The following ANK3 variants were observed in gnomAD, a reference collection of about 807,000 sequenced individuals.
ANK3 encodes ankyrin 3.
ANK3 carries 57 observed loss-of-function variants against 370.9 expected under a neutral mutation model. That is an observed-to-expected ratio of 0.15 (90% CI 0.12 to 0.19). The LOEUF (loss-of-function observed/expected upper bound fraction) is 0.19, where lower values mean the gene tolerates loss of function less well. ANK3 is among the 10% of genes least tolerant of loss of function. The probability of loss-of-function intolerance (pLI) is 1.00; values close to 1 mark genes in which losing one functional copy is unlikely to be tolerated. For synonymous variants in ANK3, 1,929 were observed against 1,946.3 expected (o/e 0.99, Z 0.23); for missense variants, 4,439 against 5,302.1 (o/e 0.84, Z 5.06).
intron 1 of ANK3, among the ~76,000 whole-genome samples, chr10:60,723,754 T>C (rs1045628735): frequency 9.9e-5 from 15 of 152,074 alleles, no homozygotes; most frequent in African/African-American, 3.4e-4. Flanking sequence ...TAAAACATAA[T>C]TATAGCCATT....
intron 8 of ANK3, among the ~76,000 whole-genome samples, chr10:60,232,185 A>G (rs1445278374): frequency 6.6e-6 from 1 of 152,184 alleles, no homozygotes; most frequent in Non-Finnish European, 1.5e-5. Flanking sequence ...ATGAAAAATG[A>G]CTGACAAATC....
At chr10:60,355,512 T>A (rs1431573454) in intron 1 of ANK3, among the ~76,000 whole-genome samples, 3 of 152,174 alleles carry the variant, frequency 2.0e-5, no homozygotes, top group Non-Finnish European at 4.4e-5. Flanking sequence ...AGTTCTTCCA[T>A]ATGGCTTTAT....
chr10:60,491,380 C>T (rs967519181), intron 2 of ANK3, among the ~76,000 whole-genome samples: 2 of 152,138 alleles, frequency 1.3e-5, no homozygotes, highest in African/African-American at 4.8e-5. Context: ...GAACCTCTTT[C>T]TTAAATGAAC....
upstream of ANK3, among the ~76,000 whole-genome samples, chr10:60,393,593 T>C (rs953505194): frequency 5.9e-5 from 9 of 152,178 alleles, no homozygotes; most frequent in African/African-American, 2.2e-4. Context: ...ATCAGTTCAT[T>C]AGGATGCCTT....
intron 7 of ANK3, among the ~76,000 whole-genome samples, chr10:60,246,323 T>TC (rs2097555400): frequency 6.6e-6 from 1 of 151,430 alleles, no homozygotes; most frequent in South Asian, 2.1e-4. Flanking sequence ...AGTTTTTTTT[T>TC]TTCCTCTTTC....
At chr10:60,532,431 T>C (rs1218346039) in intron 2 of ANK3, among the ~76,000 whole-genome samples, 1 of 152,084 alleles carries the variant, frequency 6.6e-6, no homozygotes, top group Non-Finnish European at 1.5e-5. Flanking sequence ...AAGAGCCGAG[T>C]TCATGAGAGC....
intron 2 of ANK3, among the ~76,000 whole-genome samples, chr10:60,461,056 A>G (rs1338669911): frequency 6.6e-6 from 1 of 152,190 alleles, no homozygotes; most frequent in Non-Finnish European, 1.5e-5. Context: ...CTCAAAATGC[A>G]TGTTCATTTT....
At chr10:60,533,117 T>A (rs965344857) in intron 2 of ANK3, among the ~76,000 whole-genome samples, 7 of 152,162 alleles carry the variant, frequency 4.6e-5, no homozygotes, top group African/African-American at 1.7e-4. Context: ...TGAACTCAGC[T>A]CTTGCCTGCC....
chr10:60,099,946 T>TG (rs1170369158), intron 28 of ANK3, among the ~76,000 whole-genome samples: 1 of 147,996 alleles, frequency 6.8e-6, no homozygotes, highest in Non-Finnish European at 1.5e-5. Context: ...GTGCCTGATA[T>TG]GGGGGGTGGG....
chr10:60,629,276 T>C (rs569279307), intron 1 of ANK3, among the ~76,000 whole-genome samples: 91 of 152,310 alleles, frequency 6.0e-4, no homozygotes, highest in African/African-American at 2.1e-3. Flanking sequence ...ATTTTTAGTA[T>C]CTCCAGAGAC....
chr10:60,183,858 CAAA>C (rs35653342), intron 17 of ANK3, among the ~76,000 whole-genome samples: 3 of 110,248 alleles, frequency 2.7e-5, no homozygotes, highest in Admixed American at 1.9e-4. Context: ...AATTCTGTCT[CAAA>C]AAAAAAAAAA....
At chr10:60,162,638 A>T (rs1385554764) in intron 23 of ANK3, among the ~76,000 whole-genome samples, 4 of 152,082 alleles carry the variant, frequency 2.6e-5, no homozygotes, top group Non-Finnish European at 4.4e-5. Flanking sequence ...TTATTTTTAC[A>T]TGTATACTTA....
At chr10:60,338,842 G>A (rs1594087691) in intron 1 of ANK3, among the ~76,000 whole-genome samples, 2 of 152,286 alleles carry the variant, frequency 1.3e-5, no homozygotes, top group Middle Eastern at 3.4e-3. Flanking sequence ...GCATTGTGAT[G>A]AAAATGCAAT....
At chr10:60,524,033 C>T (rs2076411844) in intron 2 of ANK3, among the ~76,000 whole-genome samples, 1 of 152,026 alleles carries the variant, frequency 6.6e-6, no homozygotes, top group Non-Finnish European at 1.5e-5. Flanking sequence ...TGCTCTGGTG[C>T]TCTTATACTC....
At chr10:60,442,376 A>T (rs2064321835) in intron 2 of ANK3, among the ~76,000 whole-genome samples, 1 of 152,158 alleles carries the variant, frequency 6.6e-6, no homozygotes, top group Non-Finnish European at 1.5e-5. Context: ...GATTACAGGC[A>T]TGAGCCACCA....
intron 2 of ANK3, among the ~76,000 whole-genome samples, chr10:60,470,841 C>T (rs1215898334): frequency 6.6e-6 from 1 of 152,072 alleles, no homozygotes; most frequent in Admixed American, 6.6e-5. Flanking sequence ...ATAACGTTTA[C>T]AGAGAGAACA....
chr10:60,293,389 C>T lies in ANK3; in HGVS notation c.115-13750G>A, dbSNP rs1414282175. 5.9e-5 allele frequency among the ~76,000 whole-genome samples: 9 copies of T among 152,154 alleles called. No individual in the cohort carries two copies. In the East Asian group the frequency reaches 1.7e-3, roughly 29 times the overall value. Reference sequence around the variant, plus strand: ...GATAGAGTAACGATTAACTCTTAGTCTTAATAAACAACTTGCTTTGTATTG... The same window carrying T: ...GATAGAGTAACGATTAACTCTTAGTTTTAATAAACAACTTGCTTTGTATTG... On this transcript the variant is annotated intron_variant, in intron 1 of 43. Transcript: ENST00000280772.
intron 25 of ANK3, among the ~76,000 whole-genome samples, chr10:60,127,006 T>C (rs1185834061): frequency 1.3e-5 from 2 of 152,240 alleles, no homozygotes; most frequent in Middle Eastern, 3.2e-3. Flanking sequence ...CTGGTTTATA[T>C]GGCAAGAAAA....
At chr10:60,337,582 T>A (rs1308817448) in intron 1 of ANK3, among the ~76,000 whole-genome samples, 1 of 152,158 alleles carries the variant, frequency 6.6e-6, no homozygotes, top group Admixed American at 6.5e-5. Context: ...CCCTAGTTTG[T>A]CTTCTTAGTA....
Sources: gnomAD v4.1 joint callset for allele counts (sites outside exome capture counted in the v4.1 genomes callset) on GRCh38, gnomAD v4.1.1 for gene constraint, MANE v1.5 for transcripts, NCBI Gene and HGNC (gene_info 2026-07-23, HGNC 2026-07-21) for gene names.